Variants in FHL2 observed in about 807,000 individuals in gnomAD.
FHL2 encodes the protein four and a half LIM domains 2, also known as four and a half LIM domains protein 2.
A neutral mutation model predicts 32.7 loss-of-function variants in FHL2; 20 were observed. The ratio of observed to expected loss-of-function variants is 0.61; its 90% CI spans 0.43 to 0.89. The LOEUF is 0.89. Ranked by LOEUF, FHL2 falls within the 40% of genes least tolerant of loss-of-function variation. The probability of loss-of-function intolerance (pLI) is 0.00; values close to 1 mark genes in which losing one functional copy is unlikely to be tolerated. For synonymous variants in FHL2, 123 were observed against 128.1 expected, an observed-to-expected ratio of 0.96 and a Z score of 0.27; for missense variants, 311 against 358.6, an observed-to-expected ratio of 0.87 and a Z score of 1.07.
intron 1 of FHL2, among the ~76,000 whole-genome samples, chr2:105,407,178 G>A (rs1165488806): frequency 6.6e-6 from 1 of 152,120 alleles, no homozygotes; most frequent in African/African-American, 2.4e-5. Flanking sequence ...GGATCACAAG[G>A]TCAAGAGATA....
chr2:105,419,394 G>A (rs958891879), intron 1 of FHL2, among the ~76,000 whole-genome samples: 14 of 152,092 alleles, frequency 9.2e-5, no homozygotes, highest in African/African-American at 3.4e-4. Flanking sequence ...AAAGTCTATT[G>A]CATCATTTGT....
chr2:105,434,270 G>T (rs1181500677), intron 1 of FHL2, among the ~76,000 whole-genome samples: 1 of 152,230 alleles, frequency 6.6e-6, no homozygotes, highest in Non-Finnish European at 1.5e-5. Context: ...GGATCGGAAA[G>T]TACTGGAAAG....
At chr2:105,377,811 T>C (rs761690774) in intron 3 of FHL2, 11 of 338,306 alleles carry the variant, frequency 3.3e-5, no homozygotes, top group Non-Finnish European at 5.8e-5. Flanking sequence ...ACAAGAGACC[T>C]GAAGGAGTAG....
intron 2 of FHL2, chr2:105,390,185 C>T (rs538662321): frequency 2.0e-4 from 31 of 156,586 alleles, no homozygotes; most frequent in Non-Finnish European, 1.0e-4. Flanking sequence ...GAGCTGAGAT[C>T]GTGCCACTGC....
At chr2:105,409,535 G>A (rs916044100) in intron 1 of FHL2, among the ~76,000 whole-genome samples, 43 of 152,138 alleles carry the variant, frequency 2.8e-4, no homozygotes, top group African/African-American at 1.0e-3. Flanking sequence ...TGCCATAAAG[G>A]CATTAACATA....
chr2:105,393,095 A>C (rs1682851120), intron 2 of FHL2, among the ~76,000 whole-genome samples: 1 of 152,002 alleles, frequency 6.6e-6, no homozygotes, highest in African/African-American at 2.4e-5. Context: ...GGAGCCTGGC[A>C]GATCCCTACA....
chr2:105,369,062 T>C (rs548237045), intron 4 of FHL2, among the ~76,000 whole-genome samples: 22 of 152,306 alleles, frequency 1.4e-4, no homozygotes, highest in Middle Eastern at 6.8e-3. Context: ...AGTTGAGTAG[T>C]TGTGACAGAG....
rs116646201 is a variant in FHL2, at chr2:105,408,110, C to T, written c.-24-21570G>A. Among the ~76,000 whole-genome samples the T allele has an allele frequency of 5.6e-3, 849 of 152,262 alleles. 4 individuals are homozygous for T. Among genetic ancestry groups the T allele is most frequent in the African/African-American group, 0.019 (791 of 41,544 alleles). On this transcript the variant is annotated intron_variant, in intron 1 of 5. Transcript: ENST00000393352. Reference sequence around the variant, plus strand: ...CATTTGTGGAAGCAGGCCTACTTGCCATGACAACAACTATTCTGTGGCTTT... The same window carrying T: ...CATTTGTGGAAGCAGGCCTACTTGCTATGACAACAACTATTCTGTGGCTTT...
chr2:105,399,103 A>G, upstream of FHL2: 2 of 1,454,204 alleles, frequency 1.4e-6, no homozygotes, highest in African/African-American at 1.5e-5. Flanking sequence ...TCATTTGACC[A>G]TATAAGGAGA....
At chr2:105,405,661 A>G (rs1158236326) in intron 1 of FHL2, among the ~76,000 whole-genome samples, 3 of 152,214 alleles carry the variant, frequency 2.0e-5, no homozygotes, top group African/African-American at 4.8e-5. Context: ...TGAAATCCCA[A>G]GTTCTCTCTT....
At chr2:105,386,756 C>CTTTTTT (rs11380471) in intron 2 of FHL2, among the ~76,000 whole-genome samples, 10 of 48,958 alleles carry the variant, frequency 2.0e-4, no homozygotes, top group Non-Finnish European at 2.9e-4. Context: ...ATGCATTCCA[C>CTTTTTT]TTTTTTTTTT....
chr2:105,437,595 T>G (rs929601199), intron 1 of FHL2, among the ~76,000 whole-genome samples: 3 of 152,350 alleles, frequency 2.0e-5, no homozygotes, highest in African/African-American at 7.2e-5. Context: ...TCAGAATAAT[T>G]TAGAAAAATA....
At chr2:105,399,171 C>T (rs1259518377), upstream of FHL2, 14 of 1,393,724 alleles carry the variant, frequency 1.0e-5, no homozygotes, top group Non-Finnish European at 1.3e-5. Flanking sequence ...CGCCCCCAGG[C>T]CTCGCGGTTG....
chr2:105,398,443 C>T (rs1414928074), intron 1 of FHL2, among the ~76,000 whole-genome samples: 1 of 152,234 alleles, frequency 6.6e-6, no homozygotes, highest in Non-Finnish European at 1.5e-5. Context: ...GCGCAGACCA[C>T]CGTGCCAGGA....
chr2:105,433,076 G>A (rs1448175134), intron 1 of FHL2, among the ~76,000 whole-genome samples: 1 of 152,174 alleles, frequency 6.6e-6, no homozygotes, highest in African/African-American at 2.4e-5. Context: ...GTTTAACTAG[G>A]ATGGATGAAT....
chr2:105,397,512 C>G lies in FHL2; in HGVS notation c.-75-815G>C, dbSNP rs541585946. 2.0e-5 allele frequency among the ~76,000 whole-genome samples: 3 copies of G among 152,232 alleles called. No individual in the cohort carries two copies. In the East Asian group the frequency reaches 5.8e-4, roughly 29 times the overall value. On this transcript the variant is annotated intron_variant, in intron 1 of 6. Coordinates refer to ENST00000530340, the MANE Select transcript of FHL2 (RefSeq NM_001318895.3). ...TAAATTTAGGCAGCCTACATGCAGT[C>G]CCCGGCATCCCCTAGCCTACTGCAT...
At chr2:105,408,716 C>T (rs1156396470) in intron 1 of FHL2, among the ~76,000 whole-genome samples, 1 of 152,162 alleles carries the variant, frequency 6.6e-6, no homozygotes, top group African/African-American at 2.4e-5. Context: ...AGCAATCTTT[C>T]GTCATCACTA....
chr2:105,430,145 A>T (rs1684384840), intron 1 of FHL2, among the ~76,000 whole-genome samples: 1 of 152,192 alleles, frequency 6.6e-6, no homozygotes, highest in Non-Finnish European at 1.5e-5. Context: ...AAGGGACATT[A>T]GACTTGAATC....
At chr2:105,361,529 T>G in intron 6 of FHL2, 95 bp from the exon 7 acceptor site, 2 of 1,164,052 alleles carry the variant, frequency 1.7e-6, no homozygotes, top group Non-Finnish European at 2.5e-6. Flanking sequence ...TTTCAAAGTT[T>G]GGATTGTGTA....
Sources: allele counts gnomAD v4.1 joint callset (sites outside exome capture counted in the v4.1 genomes callset), GRCh38; gene constraint gnomAD v4.1.1; transcripts MANE v1.5; gene names NCBI Gene and HGNC (gene_info 2026-07-23, HGNC 2026-07-21).